Variants in PRDM16 observed in about 807,000 individuals in gnomAD.
PRDM16 encodes the protein histone-lysine N-methyltransferase PRDM16.
Under a neutral mutation model 110.6 loss-of-function variants are expected in PRDM16, and 23 were observed. That is an observed-to-expected ratio of 0.21 (90% CI 0.15 to 0.29). PRDM16 has a LOEUF of 0.29. Among genes scored for constraint, PRDM16 ranks in the 10% least tolerant of loss-of-function variants. The pLI is 1.00. For missense variants in PRDM16, 1,615 were observed against 1,794.3 expected (o/e 0.90, Z 1.81); for synonymous variants, 799 against 781.8 (o/e 1.02, Z -0.37).
In PRDM16 at chr1:3,402,894, C is replaced by G. The variant is rs766973040; in HGVS notation, c.780C>G (p.Leu260=). Residue 260 remains leucine, a synonymous_variant, in exon 6 of 17, where the codon CTC becomes CTG. Transcript: ENST00000270722. ...KYTCGSVGAA[L]YEGLAEELKP... Reference sequence around the variant, plus strand: ...CGTGTGGCTCAGTGGGGGCTGCGCTCTACGAGGGCCTGGCTGAGGAGCTCA... The same window carrying G: ...CGTGTGGCTCAGTGGGGGCTGCGCTGTACGAGGGCCTGGCTGAGGAGCTCA... 1 of 1,613,028 alleles carries G rather than the reference C, an allele frequency of 6.2e-7. No homozygotes were observed. The highest frequency in any genetic ancestry group is 8.5e-7 in the Non-Finnish European group (1 of 1,180,000).
chr1:3,383,170 A>T (rs891882299), intron 3 of PRDM16, among the ~76,000 whole-genome samples: 9 of 152,190 alleles, frequency 5.9e-5, no homozygotes, highest in Non-Finnish European at 1.2e-4. Flanking sequence ...GCTTGGGAGC[A>T]TTTCTGCCGC....
rs758659393 is a variant in PRDM16 at position 3,412,065 on chromosome 1, C to T, written c.1868C>T (p.Ser623Leu). Residue 623 changes from serine to leucine, a missense_variant, in exon 9 of 17, where the codon TCG (serine) becomes TTG (leucine). Ser to Leu is a moderately radical substitution (Grantham distance 145). Around this residue, in one of 5 missense-constraint regions of PRDM16, gnomAD observed 772 missense variants for 748.3 expected, o/e 1.03. Transcript: ENST00000270722. Reference sequence around the variant, plus strand: ...CTGGACACGACCACGGGGACGGGCTCGGACCTGGACAGCGACGTGGACAGC... The same window carrying T: ...CTGGACACGACCACGGGGACGGGCTTGGACCTGGACAGCGACGTGGACAGC... The part of the protein sequence containing the change: ...TDLDTTTGTG[S>L]DLDSDVDSDP... The T allele has an allele frequency of 6.2e-6, 10 of 1,604,820 alleles. No homozygotes were observed. The highest frequency in any genetic ancestry group is 1.7e-5 in the Admixed American group (1 of 59,514).
At chr1:3,294,951 C>A (rs11805677) in intron 3 of PRDM16, among the ~76,000 whole-genome samples, 3 of 152,178 alleles carry the variant, frequency 2.0e-5, no homozygotes, top group Non-Finnish European at 2.9e-5. Context: ...TGTCAGGCCC[C>A]GTCTCAGGGA....
chr1:3,215,498 GA>G (rs1186587765), intron 2 of PRDM16, among the ~76,000 whole-genome samples: 1 of 152,148 alleles, frequency 6.6e-6, no homozygotes, highest in Non-Finnish European at 1.5e-5. Flanking sequence ...GTGTGGGGTG[GA>G]AAAGAGTGGT....
chr1:3,267,434 C>T (rs534810209), intron 3 of PRDM16, among the ~76,000 whole-genome samples: 1 of 152,318 alleles, frequency 6.6e-6, no homozygotes, highest in African/African-American at 2.4e-5. Context: ...GGACGTGAGG[C>T]TTGTTTGCAC....
intron 3 of PRDM16, among the ~76,000 whole-genome samples, chr1:3,253,227 T>G (rs7513410): frequency 0.21 from 31,951 of 151,758 alleles, 3,710 homozygotes; most frequent in African/African-American, 0.28. Flanking sequence ...ATTATTATAC[T>G]TTAAGTTTTA....
At position 3,191,338 on chromosome 1, in the gene PRDM16, G is replaced by T. The variant is rs568258977; in HGVS notation, c.387+4864G>T. On this transcript the variant is annotated intron_variant, in intron 2 of 16. Transcript: ENST00000270722. ...GCCAGGGCCTGTGGGAAGCTCTGGGGTCAGCCCAGAGGCCTTGGGCCACAC... is the reference window on the plus strand; with the variant it reads ...GCCAGGGCCTGTGGGAAGCTCTGGGTTCAGCCCAGAGGCCTTGGGCCACAC... Among the ~76,000 whole-genome samples, 300 of 152,262 alleles carry T rather than the reference G, an allele frequency of 2.0e-3. 3 individuals are homozygous for T. Among genetic ancestry groups the T allele is most frequent in the African/African-American group, 6.6e-3 (274 of 41,546 alleles).
At chr1:3,335,602 A>AACACACACACACACACACACACAC (rs3036535) in intron 3 of PRDM16, among the ~76,000 whole-genome samples, 10 of 144,326 alleles carry the variant, frequency 6.9e-5, no homozygotes, top group East Asian at 4.3e-4. Flanking sequence ...CTGAGGTTAA[A>AACACACACACACACACACACACAC]ACACACACAC....
intron 3 of PRDM16, among the ~76,000 whole-genome samples, chr1:3,270,931 G>A (rs1002967921): frequency 2.6e-5 from 4 of 151,488 alleles, no homozygotes; most frequent in Admixed American, 6.6e-5. Context: ...GGGGGAGGAC[G>A]GCAGTTCCAG....
rs1501612 is a variant in PRDM16, at chr1:3,263,099, C to T, written c.438+18962C>T. On this transcript the variant is annotated intron_variant, in intron 3 of 16. Coordinates refer to ENST00000270722, the MANE Select transcript of PRDM16 (RefSeq NM_022114.4). Reference sequence around the variant, plus strand: ...TGGCTCAGTGTGTACCCCAGGGGCTCCACAGACCCTGCAGCCTGCCTGGCG... The same window carrying T: ...TGGCTCAGTGTGTACCCCAGGGGCTTCACAGACCCTGCAGCCTGCCTGGCG... 4.2e-3 allele frequency among the ~76,000 whole-genome samples: 633 copies of T among 152,252 alleles called. 5 individuals carry two copies. Among genetic ancestry groups the T allele is most frequent in the African/African-American group, 0.015 (604 of 41,540 alleles).
intron 3 of PRDM16, among the ~76,000 whole-genome samples, chr1:3,254,337 G>C (rs1259951886): frequency 6.6e-6 from 1 of 152,128 alleles, no homozygotes; most frequent in East Asian, 1.9e-4. Flanking sequence ...AGGAAATAAA[G>C]GGTATTCAAT....
intron 1 of PRDM16, among the ~76,000 whole-genome samples, chr1:3,172,557 T>G (rs1644037979): frequency 1.3e-5 from 2 of 152,130 alleles, no homozygotes; most frequent in Admixed American, 6.5e-5. Flanking sequence ...ACAGTGTCCA[T>G]CCACAGATGA....
intron 3 of PRDM16, among the ~76,000 whole-genome samples, chr1:3,317,073 C>G (rs1181466343): frequency 6.6e-6 from 1 of 152,174 alleles, no homozygotes; most frequent in African/African-American, 2.4e-5. Context: ...AACATTGACA[C>G]AGTGTAGCCA....
chr1:3,102,517 C>T (rs1038678472), intron 1 of PRDM16, among the ~76,000 whole-genome samples: 2 of 152,208 alleles, frequency 1.3e-5, no homozygotes, highest in Non-Finnish European at 2.9e-5. Flanking sequence ...TCTGGCATCC[C>T]GGCCTAGACA....
rs544914479 is a variant in PRDM16, at chr1:3,282,498, C to T, written c.438+38361C>T. Among the ~76,000 whole-genome samples the T allele has an allele frequency of 5.9e-5, 9 of 152,322 alleles. No homozygotes were observed. The South Asian group carries it at 1.7e-3, about 28-fold the overall frequency. Reference sequence around the variant, plus strand: ...AGCCTGTTCCTCAGCTCTGTCCCAGCGGGCACTTAGCTGAGGATACCCCTG... The same window carrying T: ...AGCCTGTTCCTCAGCTCTGTCCCAGTGGGCACTTAGCTGAGGATACCCCTG... On this transcript the variant is annotated intron_variant, in intron 3 of 16. Transcript: ENST00000270722.
intron 10 of PRDM16, among the ~76,000 whole-genome samples, chr1:3,415,446 C>A (rs1643762971): frequency 6.6e-6 from 1 of 152,190 alleles, no homozygotes; most frequent in Admixed American, 6.5e-5. Flanking sequence ...CGTGGACGGG[C>A]CCCCCACCTG....
chr1:3,282,907 T>C (rs557980902), intron 3 of PRDM16, among the ~76,000 whole-genome samples: 8 of 152,222 alleles, frequency 5.3e-5, no homozygotes, highest in African/African-American at 1.9e-4. Context: ...GCAGGTGCAG[T>C]GAGAGGCGTG....
chr1:3,392,005 G>A (rs777806591), intron 4 of PRDM16, among the ~76,000 whole-genome samples: 11 of 152,234 alleles, frequency 7.2e-5, no homozygotes, highest in Admixed American at 1.3e-4. Flanking sequence ...CACTCACAGC[G>A]TGTGGAGACA....
chr1:3,086,475 A>G (rs1328435684), intron 1 of PRDM16, among the ~76,000 whole-genome samples: 1 of 152,118 alleles, frequency 6.6e-6, no homozygotes, highest in Non-Finnish European at 1.5e-5. Flanking sequence ...GTGTCGGTGC[A>G]GTGTCCTCCC....
Sources: allele counts gnomAD v4.1 joint callset (sites outside exome capture counted in the v4.1 genomes callset), GRCh38; gene constraint gnomAD v4.1.1; regional missense constraint gnomAD v4.1.1; transcripts MANE v1.5; gene names NCBI Gene and HGNC (gene_info 2026-07-23, HGNC 2026-07-21).